Variants in VPS45 observed in about 807,000 individuals in gnomAD.
The protein encoded by VPS45 is vacuolar protein sorting-associated protein 45.
Under a neutral mutation model 75.9 loss-of-function variants are expected in VPS45, and 35 were observed. That is an observed-to-expected ratio of 0.46 (90% CI 0.35 to 0.61). The LOEUF is 0.61. Among genes scored for constraint, VPS45 ranks in the 20% least tolerant of loss-of-function variants. The pLI, the probability that VPS45 is intolerant of heterozygous loss-of-function variation, is 0.00. For synonymous variants in VPS45, 220 were observed against 238.2 expected (o/e 0.92, Z 0.70); for missense variants, 559 against 685.9 (o/e 0.81, Z 2.07).
rs998654797 is a variant in VPS45 at position 150,077,116 on chromosome 1, A to T, written c.461A>T (p.Gln154Leu). Residue 154 changes from glutamine to leucine, a missense_variant, in exon 6 of 15, where the codon CAG becomes CTG. Coordinates refer to ENST00000644510, the MANE Select transcript of VPS45 (RefSeq NM_007259.5). ...AAGGGTCGAAATTGGGATCCAGCCC[A>T]GCTATCTAGAACAACTCAAGGGCTT... is the stretch of plus-strand genomic sequence containing the variant. ...CCQGRNWDPA[Q>L]LSRTTQGLTA... 4 of 1,614,100 alleles carry T rather than the reference A, an allele frequency of 2.5e-6. No homozygotes were observed. The Admixed American group carries it at 6.7e-5, about 27-fold the overall frequency.
intron 2 of VPS45, among the ~76,000 whole-genome samples, chr1:150,071,936 G>T (rs1192774413): frequency 6.6e-6 from 1 of 151,894 alleles, no homozygotes; most frequent in Non-Finnish European, 1.5e-5. Context: ...AAATGCAGCT[G>T]GTTAATATTT....
Position 150,077,691 on chromosome 1 carries a change from A to C in VPS45, c.599A>C (p.Glu200Ala). 1 of 1,613,894 alleles carries C rather than the reference A, an allele frequency of 6.2e-7. No individual in the cohort carries two copies. Among genetic ancestry groups the C allele is most frequent in the Non-Finnish European group, 8.5e-7 (1 of 1,179,820 alleles). The change falls in exon 7 of 15, where the codon GAA (glutamate) becomes GCA (alanine). Residue 200 changes from glutamate to alanine, a missense_variant. Glu to Ala is a moderately radical substitution (Grantham distance 107). Transcript: ENST00000644510. ...CVKQVITKEY[E>A]LFEFRRTEVP... is the part of the protein sequence containing the mutation. ...CAGCAAGTGATAACTAAAGAATATGAACTGTTTGAATTCCGTCGGACAGAG... is the reference window on the plus strand; with the variant it reads ...CAGCAAGTGATAACTAAAGAATATGCACTGTTTGAATTCCGTCGGACAGAG...
At chr1:150,077,544 C>A in intron 6 of VPS45, 125 bp from the exon 7 acceptor site, 1 of 734,720 alleles carries the variant, frequency 1.4e-6, no homozygotes, top group Non-Finnish European at 2.3e-6. Flanking sequence ...TTGAATCCTT[C>A]ATATGGAAGA....
Position 150,077,321 on chromosome 1 carries a change from A to G in VPS45, c.576+90A>G, listed in dbSNP as rs926194562. The G allele has an allele frequency of 3.4e-6, 5 of 1,474,876 alleles. No individual in the cohort carries two copies. In the African/African-American group the frequency reaches 7.1e-5, roughly 21 times the overall value. 91.4% of individuals were successfully genotyped at this position (1,474,876 alleles called of 1,614,324 possible). A position where few individuals can be genotyped will look rare whatever the true frequency, so the allele number is the denominator to read the frequency against. On this transcript the variant is annotated intron_variant, in intron 6 of 14. Coordinates refer to ENST00000644510, the MANE Select transcript of VPS45 (RefSeq NM_007259.5). ...AAACTAAAGGAATAGTTTATTTACA[A>G]CCAAGGAGATGATTGTATGTTAGGT...
At chr1:150,067,607 G>A, upstream of VPS45, 1 of 495,004 alleles carries the variant, frequency 2.0e-6, no homozygotes, top group Non-Finnish European at 3.6e-6. Context: ...CAGGCCGCAG[G>A]TGGGTGGAGA....
intron 14 of VPS45, among the ~76,000 whole-genome samples, chr1:150,143,229 T>C (rs587595007): frequency 6.6e-6 from 1 of 152,258 alleles, no homozygotes; most frequent in South Asian, 2.1e-4. Flanking sequence ...GATTATGTAT[T>C]TATGTATGTA....
chr1:150,075,506 TTAG>T (rs2101511852), intron 3 of VPS45, among the ~76,000 whole-genome samples: 1 of 152,262 alleles, frequency 6.6e-6, no homozygotes, highest in South Asian at 2.1e-4. Flanking sequence ...TCTTTTGATA[TTAG>T]TAGCTGCTGA....
chr1:150,097,544 C>G (rs1425107275), intron 13 of VPS45, among the ~76,000 whole-genome samples: 1 of 151,548 alleles, frequency 6.6e-6, no homozygotes, highest in Admixed American at 6.6e-5. Context: ...CATGGTGAAA[C>G]CCTGTCTCTA....
In VPS45 at chr1:150,144,753, A is replaced by C. The variant is rs1659580508; in HGVS notation, c.1670A>C (p.Lys557Thr). 1 of 1,614,038 alleles carries C rather than the reference A, an allele frequency of 6.2e-7. No individual in the cohort carries two copies. Among genetic ancestry groups the C allele is most frequent in the Non-Finnish European group, 8.5e-7 (1 of 1,180,030 alleles). ...VLASGLHSRS[K>T]ESSQVTSRSA... is the part of the protein sequence containing the mutation. ...GCTTCTGGACTGCACAGCCGAAGCAAGGAGAGCTCTCAAGTCACATCAAGG... is the reference window on the plus strand; with the variant it reads ...GCTTCTGGACTGCACAGCCGAAGCACGGAGAGCTCTCAAGTCACATCAAGG... Residue 557 changes from lysine to threonine, a missense_variant, in exon 15 of 15, where the codon AAG (lysine) becomes ACG (threonine). Lys to Thr is a moderately conservative substitution (Grantham distance 78). Transcript: ENST00000644510.
chr1:150,132,180 C>A (rs1222421649), intron 14 of VPS45, among the ~76,000 whole-genome samples: 1 of 152,118 alleles, frequency 6.6e-6, no homozygotes, highest in South Asian at 2.1e-4. Context: ...TTGTTTCCTG[C>A]AGCCAGAATG....
At chr1:150,122,599 T>G (rs1184922454) in intron 14 of VPS45, among the ~76,000 whole-genome samples, 1 of 152,008 alleles carries the variant, frequency 6.6e-6, no homozygotes, top group Non-Finnish European at 1.5e-5. Flanking sequence ...ATGTTTTTAT[T>G]GAGCTAAAAT....
rs56026495 is a variant in VPS45, at chr1:150,128,302, T to TAAAAAAAA, written c.1626-16403_1626-16396dup. Reference sequence around the variant, plus strand: ...GGGTAACAGAATGGGACCCTTGTCTTAAAAAAAAAAAGAAAATTAACTTGA... The same window carrying TAAAAAAAA: ...GGGTAACAGAATGGGACCCTTGTCTTAAAAAAAAAAAAAAAAAAAGAAAATTAACTTGA... On this transcript the variant is annotated intron_variant, in intron 14 of 14. Transcript: ENST00000644510. 5.6e-3 allele frequency among the ~76,000 whole-genome samples: 810 copies of TAAAAAAAA among 145,346 alleles called. 11 individuals carry two copies. The highest frequency in any genetic ancestry group is 0.028 in the Middle Eastern group (8 of 282).
chr1:150,093,663 A>G lies in VPS45; in HGVS notation c.1493+15A>G. On this transcript the variant is annotated intron_variant, in intron 13 of 14. Coordinates refer to ENST00000644510, the MANE Select transcript of VPS45 (RefSeq NM_007259.5). Reference sequence around the variant, plus strand: ...CTCAGAGACAGGTAAGCTAACAAAGATATTAATAATAAAAGCCAGAAATAC... The same window carrying G: ...CTCAGAGACAGGTAAGCTAACAAAGGTATTAATAATAAAAGCCAGAAATAC... 1 of 1,599,924 alleles carries G rather than the reference A, an allele frequency of 6.3e-7. No homozygotes were observed. Among genetic ancestry groups the G allele is most frequent in the Non-Finnish European group, 8.5e-7 (1 of 1,175,584 alleles).
chr1:150,092,426 T>C lies in VPS45; in HGVS notation c.1371+17T>C. 6.2e-7 allele frequency: 1 copy of C among 1,604,472 alleles called. No homozygotes were observed. The highest frequency in any genetic ancestry group is 8.5e-7 in the Non-Finnish European group (1 of 1,171,996). ...GGACTGAAGGTATAGACATCTCCTC[T>C]ATGCTCTCCTGAGTGAGAACAGTTG... On this transcript the variant is annotated intron_variant, in intron 12 of 14. Coordinates refer to ENST00000644510, the MANE Select transcript of VPS45 (RefSeq NM_007259.5).
At chr1:150,112,998 C>T (rs1164785374) in intron 14 of VPS45, among the ~76,000 whole-genome samples, 1 of 152,160 alleles carries the variant, frequency 6.6e-6, no homozygotes, top group Non-Finnish European at 1.5e-5. Flanking sequence ...CACCAACCCA[C>T]AAACTCTTCG....
At chr1:150,086,293 T>G (rs1656011500) in intron 10 of VPS45, among the ~76,000 whole-genome samples, 1 of 152,146 alleles carries the variant, frequency 6.6e-6, no homozygotes, top group Admixed American at 6.6e-5. Flanking sequence ...AGAATTGTTG[T>G]GAGAGTGCAA....
At chr1:150,137,227 T>G (rs1659158021) in intron 14 of VPS45, among the ~76,000 whole-genome samples, 1 of 152,190 alleles carries the variant, frequency 6.6e-6, no homozygotes, top group Non-Finnish European at 1.5e-5. Context: ...AATGCCAACC[T>G]ATTCCCTTGC....
At chr1:150,132,107 C>T (rs782470577) in intron 14 of VPS45, among the ~76,000 whole-genome samples, 9 of 152,148 alleles carry the variant, frequency 5.9e-5, no homozygotes, top group East Asian at 1.9e-4. Flanking sequence ...GTGACAGACA[C>T]GCCTGCCCTG....
At chr1:150,075,004 C>T (rs1347228757) in intron 3 of VPS45, among the ~76,000 whole-genome samples, 1 of 140,832 alleles carries the variant, frequency 7.1e-6, no homozygotes, top group Non-Finnish European at 1.5e-5. Context: ...CTCTGTCACC[C>T]AGACAGAGTG....
Sources: gnomAD v4.1 joint callset for allele counts (sites outside exome capture counted in the v4.1 genomes callset) on GRCh38, gnomAD v4.1.1 for gene constraint, MANE v1.5 for transcripts, NCBI Gene and HGNC (gene_info 2026-07-23, HGNC 2026-07-21) for gene names.